The following HS6ST2 variants were observed in gnomAD, a reference collection of about 807,000 sequenced individuals.
The protein encoded by HS6ST2 is heparan-sulfate 6-O-sulfotransferase 2.
A neutral mutation model predicts 33.0 loss-of-function variants in HS6ST2; 17 were observed. The ratio of observed to expected loss-of-function variants is 0.52; its 90% CI spans 0.35 to 0.77. The LOEUF is 0.77. HS6ST2 is among the 30% of genes least tolerant of loss of function. HS6ST2 has a pLI of 0.01. For missense variants in HS6ST2, 519 were observed against 551.7 expected (o/e 0.94, Z 0.59); for synonymous variants, 248 against 237.1 (o/e 1.05, Z -0.42).
chrX:132,874,735 C>T (rs2066094631), intron 2 of HS6ST2, among the ~76,000 whole-genome samples: 1 of 111,517 alleles, frequency 9.0e-6, no homozygotes, highest in South Asian at 3.8e-4. Flanking sequence ...TCCTTGGGAC[C>T]CCCACATGTG....
chrX:132,686,282 G>C (rs1052284636), intron 3 of HS6ST2, among the ~76,000 whole-genome samples: 2 of 112,606 alleles, frequency 1.8e-5, no homozygotes, highest in African/African-American at 6.4e-5. Flanking sequence ...GGAGCTTGAA[G>C]ACTAATGTAG....
chrX:132,834,786 T>TA (rs2065625456), intron 2 of HS6ST2, among the ~76,000 whole-genome samples: 4 of 112,040 alleles, frequency 3.6e-5, no homozygotes, highest in Non-Finnish European at 7.5e-5. Flanking sequence ...GTGGTTGTAC[T>TA]GAAAGGCAAA....
intron 2 of HS6ST2, among the ~76,000 whole-genome samples, chrX:132,946,848 A>G (rs963634197): frequency 2.9e-4 from 32 of 112,079 alleles, no homozygotes; most frequent in African/African-American, 9.4e-4. Flanking sequence ...ACCTGTCTCA[A>G]TAGGTACCCC....
At chrX:132,739,071 T>A (rs186715606) in intron 2 of HS6ST2, among the ~76,000 whole-genome samples, 1 of 111,794 alleles carries the variant, frequency 8.9e-6, no homozygotes. Flanking sequence ...ATAAATGTAC[T>A]TGTTCTCCCT....
intron 2 of HS6ST2, among the ~76,000 whole-genome samples, chrX:132,838,885 T>C (rs6638028): frequency 1.2e-3 from 130 of 108,536 alleles, no homozygotes; most frequent in African/African-American, 4.3e-3. Context: ...CTCAAAATCA[T>C]TACTCATCAG....
At chrX:132,891,485 T>A (rs1602824515) in intron 2 of HS6ST2, among the ~76,000 whole-genome samples, 1 of 109,170 alleles carries the variant, frequency 9.2e-6, no homozygotes, top group Admixed American at 9.8e-5. Context: ...GCTGCACCCA[T>A]TAACTCGTCA....
At chrX:132,785,862 C>T (rs141447900) in intron 2 of HS6ST2, among the ~76,000 whole-genome samples, 1,351 of 111,682 alleles carry the variant, frequency 0.012, 24 homozygotes, top group African/African-American at 0.042. Context: ...CCGTCGAGTT[C>T]TGGTTACCAT....
In HS6ST2 at chrX:132,787,200, CACATATATATATACACATATATATAT is replaced by C. The variant is rs1569490922; in HGVS notation, c.948-78732_948-78707del. ...ATATATATATATACATATATATATA[CACATATATATATACACATATATATAT>C]ACACATATATATACATATATGTATA... On this transcript the variant is annotated intron_variant, in intron 2 of 4. Transcript: ENST00000370833. 3.6e-3 allele frequency among the ~76,000 whole-genome samples: 223 copies of C among 61,556 alleles called. 9 individuals carry two copies. The highest frequency in any genetic ancestry group is 0.015 in the African/African-American group (210 of 13,750). 53.5% of individuals were successfully genotyped at this position (61,556 alleles called of 115,157 possible). A position where few individuals can be genotyped will look rare whatever the true frequency, so the allele number is the denominator to read the frequency against.
Position 132,706,050 on chromosome X carries a change from T to A in HS6ST2, c.980+2412A>T, listed in dbSNP as rs1421188299. 4.5e-5 allele frequency among the ~76,000 whole-genome samples: 5 copies of A among 110,651 alleles called. No individual in the cohort carries two copies. The East Asian group carries it at 1.4e-3, about 31-fold the overall frequency. On this transcript the variant is annotated intron_variant, in intron 3 of 4. Transcript: ENST00000370833. ...TTATCATTCAAACTTACTATAATAG[T>A]TCCCAACGTTTGAAAGGTACAAAAA...
chrX:132,754,280 C>T (rs772268918), intron 2 of HS6ST2, among the ~76,000 whole-genome samples: 54 of 110,962 alleles, frequency 4.9e-4, no homozygotes, highest in Middle Eastern at 4.7e-3. Flanking sequence ...AAGTGCCATT[C>T]GCATCTCATC....
chrX:132,727,134 T>G (rs1213832370), intron 2 of HS6ST2, among the ~76,000 whole-genome samples: 3 of 108,908 alleles, frequency 2.8e-5, no homozygotes, highest in African/African-American at 1.0e-4. Flanking sequence ...ATAAATAACC[T>G]TAAAAAAAAA....
chrX:132,800,301 G>C (rs1171357923), intron 2 of HS6ST2, among the ~76,000 whole-genome samples: 2 of 111,479 alleles, frequency 1.8e-5, no homozygotes, highest in African/African-American at 6.5e-5. Flanking sequence ...AGAATCTAAT[G>C]CCTGATGATC....
chrX:132,868,286 A>C (rs1466483108), intron 2 of HS6ST2, among the ~76,000 whole-genome samples: 5 of 112,121 alleles, frequency 4.5e-5, no homozygotes. Context: ...TCATATAGCA[A>C]GTTCTTAGAG....
intron 2 of HS6ST2, among the ~76,000 whole-genome samples, chrX:132,746,359 C>T (rs747877723): frequency 2.3e-3 from 258 of 110,509 alleles, no homozygotes; most frequent in African/African-American, 7.3e-3. Flanking sequence ...AAAAATTAGC[C>T]GGGCGTGGTG....
intron 2 of HS6ST2, among the ~76,000 whole-genome samples, chrX:132,765,527 T>A (rs2064839880): frequency 9.0e-6 from 1 of 111,580 alleles, no homozygotes; most frequent in East Asian, 2.8e-4. Flanking sequence ...TATGAACATA[T>A]CTTGCTGAAG....
chrX:132,657,177 C>T (rs1481933658), intron 4 of HS6ST2, among the ~76,000 whole-genome samples: 3 of 110,643 alleles, frequency 2.7e-5, no homozygotes, highest in Non-Finnish European at 3.8e-5. Flanking sequence ...AATGAATGGT[C>T]GCACTGCCTC....
chrX:132,806,098 C>A (rs762622950), intron 2 of HS6ST2, among the ~76,000 whole-genome samples: 1 of 110,204 alleles, frequency 9.1e-6, no homozygotes, highest in East Asian at 2.8e-4. Flanking sequence ...CATTCACAAC[C>A]AACCCAGAGT....
chrX:132,894,128 T>A (rs1045558304), intron 2 of HS6ST2, among the ~76,000 whole-genome samples: 3 of 108,255 alleles, frequency 2.8e-5, no homozygotes, highest in Non-Finnish European at 5.7e-5. Context: ...TTCAGGTTTT[T>A]TTTTTTTTTG....
rs1478219827 is a variant in HS6ST2 at position 132,628,785 on chromosome X, T to C, written c.1376A>G (p.Glu459Gly). The part of the protein sequence containing the change: ...PEKQRNKVLL[E>G]SAKSNLKHMA... ...GTGCTTCAGATTTGACTTGGCACTT[T>C]CCAGAAGGACCTTGTTTCTTTGCTT... Residue 459 changes from glutamate to glycine, a missense_variant, in exon 5 of 5, where the codon GAA becomes GGA. By Grantham distance (98) the Glu-to-Gly change is moderately conservative. Transcript: ENST00000370833. 2 of 1,211,912 alleles carry C rather than the reference T, an allele frequency of 1.7e-6. No individual in the cohort carries two copies.
Sources: allele counts gnomAD v4.1 joint callset (sites outside exome capture counted in the v4.1 genomes callset), GRCh38; gene constraint gnomAD v4.1.1; transcripts MANE v1.5; gene names NCBI Gene and HGNC (gene_info 2026-07-23, HGNC 2026-07-21).